Variants in MAP4 observed in about 807,000 individuals in gnomAD.
MAP4 encodes microtubule-associated protein 4.
A neutral mutation model predicts 170.2 loss-of-function variants in MAP4; 76 were observed. The observed-to-expected ratio is 0.45, with a 90% CI of 0.37 to 0.54. The LOEUF is 0.54. Ranked by LOEUF, MAP4 falls within the 20% of genes least tolerant of loss-of-function variation. The probability of loss-of-function intolerance (pLI) is 0.00; values close to 1 mark genes in which losing one functional copy is unlikely to be tolerated. For synonymous variants in MAP4, 909 were observed against 994.5 expected (o/e 0.91, Z 1.62); for missense variants, 2,506 against 2,748.0 (o/e 0.91, Z 1.97).
In MAP4 at chr3:47,909,193, G is replaced by C. The variant is rs766186661; in HGVS notation, c.5228C>G (p.Ser1743Ter). The C allele has an allele frequency of 6.2e-7, 1 of 1,613,630 alleles. No homozygotes were observed. The highest frequency in any genetic ancestry group is 1.7e-5 in the Admixed American group (1 of 59,982). ...CTTTTTCCCTTCTCCTGGTGTCTTTGATTCAGATTTTTCTGTCATTTTCTG... is the reference window on the plus strand; with the variant it reads ...CTTTTTCCCTTCTCCTGGTGTCTTTCATTCAGATTTTTCTGTCATTTTCTG... ...TPQKMTEKSE[S>*]KTPGEGKKED... The change falls in exon 9 of 21, where the codon TCA (serine) becomes TGA (stop). Residue 1743 changes from serine to a stop codon, truncating the protein, a stop_gained. Coordinates refer to ENST00000683076, the MANE Select transcript of MAP4 (RefSeq NM_001385682.1). LOFTEE classifies it high-confidence loss of function.
intron 17 of MAP4, among the ~76,000 whole-genome samples, chr3:47,858,612 T>TGTGTGC (rs770565689): frequency 6.3e-4 from 85 of 135,954 alleles, no homozygotes; most frequent in Non-Finnish European, 1.1e-3. Flanking sequence ...TGTGTGTGTG[T>TGTGTGC]GTGCGCGTTG....
chr3:48,022,655 C>T (rs539119308), intron 1 of MAP4, among the ~76,000 whole-genome samples: 4 of 152,288 alleles, frequency 2.6e-5, no homozygotes, highest in Admixed American at 2.6e-4. Flanking sequence ...CTTTGCGAGG[C>T]TGAGGCGAGC....
chr3:48,016,400 A>C lies in MAP4; in HGVS notation c.-86T>G, dbSNP rs1297158271. 2 of 152,202 alleles carry C rather than the reference A, an allele frequency of 1.3e-5. No homozygotes were observed. The highest frequency in any genetic ancestry group is 6.5e-5 in the Admixed American group (1 of 15,272). The allele number at this position is 152,202 out of a possible 1,614,324, so 9.4% of individuals were successfully genotyped here. On this transcript the variant is annotated 5_prime_UTR_variant, in exon 1 of 21. Coordinates refer to ENST00000683076, the MANE Select transcript of MAP4 (RefSeq NM_001385682.1). ...CATTTTGGATCAGGCACCTGCCTTC[A>C]ACATTTCTGTCCAAATGAATTTCAA...
At position 47,855,212 on chromosome 3, in the gene MAP4, T is replaced by A. The variant is rs757081678; in HGVS notation, c.6696+36A>T. 1.4e-5 allele frequency: 20 copies of A among 1,424,456 alleles called. No homozygotes were observed. Among genetic ancestry groups the A allele is most frequent in the Non-Finnish European group, 2.0e-5 (20 of 1,007,402 alleles). The allele number at this position is 1,424,456 out of a possible 1,614,324, so 88.2% of individuals were successfully genotyped here. A position where few individuals can be genotyped will look rare whatever the true frequency, so the allele number is the denominator to read the frequency against. On this transcript the variant is annotated intron_variant, in intron 19 of 20. Coordinates refer to ENST00000683076, the MANE Select transcript of MAP4 (RefSeq NM_001385682.1). This position sits in a 1 kb window ranked among gnomAD's most constrained non-coding sequence, Gnocchi z 5.1. ...ACCCTAACTGCATAGTTCCCACCCCTCCCCAGCTGTGTCTCCCCAGTGACC... is the reference window on the plus strand; with the variant it reads ...ACCCTAACTGCATAGTTCCCACCCCACCCCAGCTGTGTCTCCCCAGTGACC...
intron 1 of MAP4, among the ~76,000 whole-genome samples, chr3:48,054,952 T>A (rs1215087402): frequency 7.2e-5 from 11 of 152,122 alleles, no homozygotes; most frequent in African/African-American, 2.7e-4. Flanking sequence ...TACTGTGGTT[T>A]AAAACCTACC....
At chr3:47,869,403 G>A in intron 15 of MAP4, 76 bp from the exon 16 acceptor site, 3 of 983,936 alleles carry the variant, frequency 3.0e-6, no homozygotes, top group South Asian at 2.6e-5. Context: ...GAAGAAGGCT[G>A]TAGGGGACTC....
chr3:48,070,431 C>G (rs1036389893), intron 1 of MAP4, among the ~76,000 whole-genome samples: 27 of 151,676 alleles, frequency 1.8e-4, no homozygotes, highest in Non-Finnish European at 3.7e-4. Flanking sequence ...TTACTCTTGG[C>G]CTTTTTTGCT....
intron 17 of MAP4, among the ~76,000 whole-genome samples, chr3:47,865,472 G>T (rs1227148555): frequency 1.3e-5 from 2 of 152,058 alleles, no homozygotes; most frequent in African/African-American, 4.8e-5. Flanking sequence ...CCCAGGCCAG[G>T]AAGAGGCAGT....
chr3:48,001,209 T>C (rs1284015006), intron 1 of MAP4, among the ~76,000 whole-genome samples: 2 of 152,218 alleles, frequency 1.3e-5, no homozygotes, highest in East Asian at 3.8e-4. Context: ...AGATAGTATG[T>C]GTTCAGTACT....
chr3:48,071,766 T>C (rs2100141143), intron 1 of MAP4, among the ~76,000 whole-genome samples: 1 of 149,884 alleles, frequency 6.7e-6, no homozygotes, highest in African/African-American at 2.5e-5. Flanking sequence ...TAGCAGGGTG[T>C]GGTGGTGCGT....
intron 3 of MAP4, among the ~76,000 whole-genome samples, chr3:47,972,453 T>C (rs1202897454): frequency 6.6e-6 from 1 of 152,232 alleles, no homozygotes; most frequent in Non-Finnish European, 1.5e-5. Flanking sequence ...TGATATACCA[T>C]GGAAACCTCC....
At chr3:47,875,971 A>G in intron 11 of MAP4, 71 bp from the exon 12 acceptor site, 1 of 1,144,490 alleles carries the variant, frequency 8.7e-7, no homozygotes, top group Non-Finnish European at 1.3e-6. Context: ...CAAGAATAAA[A>G]ACAAATTAAA....
intron 2 of MAP4, among the ~76,000 whole-genome samples, chr3:47,978,467 GCC>G (rs2100083483): frequency 6.6e-6 from 1 of 151,890 alleles, no homozygotes. Flanking sequence ...GCAGGCACCC[GCC>G]CCCATGACCA....
At position 47,914,845 on chromosome 3, in the gene MAP4, T is replaced by C. The variant is rs753815822; in HGVS notation, c.1971A>G (p.Gln657=). The C allele has an allele frequency of 1.4e-5, 23 of 1,614,046 alleles. No homozygotes were observed. The highest frequency in any genetic ancestry group is 1.3e-4 in the African/African-American group (10 of 74,920). ...AGGTCTCTGAAGAAAGCTCAGAAGG[T>C]TGACTGTTGCATGGTTTCCTTTCCC... ...KLGERKPCNS[Q]PSELSSETSA... is the part of the protein sequence containing the mutation. Residue 657 remains glutamine, a synonymous_variant, in exon 8 of 21, where the codon CAA becomes CAG. Coordinates refer to ENST00000683076, the MANE Select transcript of MAP4 (RefSeq NM_001385682.1).
rs184246539 is a variant in MAP4, at chr3:47,858,855, A to G, written c.6502-1343T>C. 4.1e-3 allele frequency among the ~76,000 whole-genome samples: 615 copies of G among 151,570 alleles called. 2 individuals are homozygous for G. Among genetic ancestry groups the G allele is most frequent in the Middle Eastern group, 0.021 (6 of 290 alleles). On this transcript the variant is annotated intron_variant, in intron 17 of 20. Coordinates refer to ENST00000683076, the MANE Select transcript of MAP4 (RefSeq NM_001385682.1). Reference sequence around the variant, plus strand: ...TAAAGGTGGTGCACCTTGGCTGGGCACGGTGGCTCACGCCTGTAATCCCAG... The same window carrying G: ...TAAAGGTGGTGCACCTTGGCTGGGCGCGGTGGCTCACGCCTGTAATCCCAG...
chr3:48,060,658 A>G lies in MAP4; in HGVS notation c.-20+28115T>C, dbSNP rs375439367. On this transcript the variant is annotated intron_variant, in intron 1 of 18. Transcript: ENST00000360240. ...GCCAGGCGCAGTGGCTCACGCCTAT[A>G]ATCCCAGCACTTTGGGAGGCCGAGG... Among the ~76,000 whole-genome samples, 25 of 152,162 alleles carry G rather than the reference A, an allele frequency of 1.6e-4. No homozygotes were observed. In the East Asian group the frequency reaches 3.5e-3, roughly 21 times the overall value.
chr3:47,995,620 C>G (rs561049696), intron 2 of MAP4, among the ~76,000 whole-genome samples: 16 of 151,994 alleles, frequency 1.1e-4, no homozygotes, highest in Non-Finnish European at 2.1e-4. Context: ...GGTCTGCCCC[C>G]CCTCCCCAAC....
At chr3:47,913,872 A>G (rs915032049) in intron 8 of MAP4, among the ~76,000 whole-genome samples, 1 of 152,216 alleles carries the variant, frequency 6.6e-6, no homozygotes, top group African/African-American at 2.4e-5. Context: ...AATCATATAC[A>G]TATGCTTCTG....
chr3:47,871,194 T>C (rs560088021), intron 14 of MAP4, 33 bp downstream of exon 14: 11 of 1,613,782 alleles, frequency 6.8e-6, no homozygotes, highest in African/African-American at 5.3e-5. Context: ...GGGTTCAAGT[T>C]AGGGCTCTAC....
Sources: allele counts gnomAD v4.1 joint callset (sites outside exome capture counted in the v4.1 genomes callset), GRCh38; gene constraint gnomAD v4.1.1; non-coding constraint Gnocchi (gnomAD v3.1); transcripts MANE v1.5; gene names NCBI Gene and HGNC (gene_info 2026-07-23, HGNC 2026-07-21).